Variants in KMT2C observed in about 807,000 individuals in gnomAD.
The protein encoded by KMT2C is lysine methyltransferase 2C, also known as histone-lysine N-methyltransferase 2C.
A neutral mutation model predicts 507.9 loss-of-function variants in KMT2C; 88 were observed. The ratio of observed to expected loss-of-function variants is 0.17; its 90% CI spans 0.15 to 0.21. The LOEUF (loss-of-function observed/expected upper bound fraction) is 0.21, where lower values mean the gene tolerates loss of function less well. KMT2C is among the 10% of genes least tolerant of loss of function. The pLI is 1.00. For synonymous variants in KMT2C, 2,049 were observed against 2,080.8 expected (o/e 0.98, Z 0.42); for missense variants, 4,954 against 5,957.8 (o/e 0.83, Z 5.55).
chr7:152,245,182 T>C (rs1273311098), intron 14 of KMT2C, among the ~76,000 whole-genome samples: 1 of 152,234 alleles, frequency 6.6e-6, no homozygotes, highest in African/African-American at 2.4e-5. Flanking sequence ...AAAGAATATT[T>C]CTACTTCAGT....
rs1273657096 is a variant in KMT2C, at chr7:152,144,752, T to C, written c.14304A>G (p.Glu4768=). ...GTGCCAGATACACATTGGATTTCCA[T>C]TCAGTTTTCATCTTCCGGTACTGCG... ...KSSQYRKMKT[E]WKSNVYLARS... The change falls in exon 55 of 59, where the codon GAA becomes GAG. Residue 4768 remains glutamate, a synonymous_variant. Coordinates refer to ENST00000262189, the MANE Select transcript of KMT2C (RefSeq NM_170606.3). This position sits in a 1 kb window ranked among gnomAD's most constrained non-coding sequence, Gnocchi z 4.4. 1.2e-6 allele frequency: 2 copies of C among 1,614,190 alleles called. No homozygotes were observed. The highest frequency in any genetic ancestry group is 1.7e-5 in the Admixed American group (1 of 60,020).
chr7:152,315,293 T>C lies in KMT2C; in HGVS notation c.435A>G (p.Leu145=). Residue 145 remains leucine (L), a synonymous_variant, in exon 4 of 59, where the codon TTA becomes TTG. Transcript: ENST00000262189. ...TGAATTGTTTTAAGTCTCCTTGTCCTAAGGAACTTTTTTCCCCACAGTAAC... is the reference window on the plus strand; with the variant it reads ...TGAATTGTTTTAAGTCTCCTTGTCCCAAGGAACTTTTTTCCCCACAGTAAC... ...AFCYCGEKSS[L]GQGDLKQFRI... 1.9e-6 allele frequency: 3 copies of C among 1,613,972 alleles called. No homozygotes were observed. Among genetic ancestry groups the C allele is most frequent in the Non-Finnish European group, 2.5e-6 (3 of 1,179,922 alleles).
At chr7:152,323,552 T>C (rs747464087) in intron 3 of KMT2C, among the ~76,000 whole-genome samples, 2 of 149,542 alleles carry the variant, frequency 1.3e-5, no homozygotes, top group East Asian at 2.0e-4. Flanking sequence ...GGTGGGAGGA[T>C]TGCCTGAGCC....
At chr7:152,323,744 A>AAAAAAGAGGGAGGGAAGGGGAGGTAG (rs2096794587) in intron 3 of KMT2C, among the ~76,000 whole-genome samples, 2 of 145,644 alleles carry the variant, frequency 1.4e-5, no homozygotes, top group Non-Finnish European at 1.5e-5. Flanking sequence ...AGAAGGAAGG[A>AAAAAAGAGGGAGGGAAGGGGAGGTAG]AAAAAGAGGG....
intron 6 of KMT2C, among the ~76,000 whole-genome samples, chr7:152,287,434 G>A (rs895789935): frequency 4.2e-4 from 64 of 152,098 alleles, no homozygotes; most frequent in Non-Finnish European, 6.5e-4. Context: ...GCCTACTAAG[G>A]AACTGGAATC....
chr7:152,274,326 G>T (rs62478866), intron 6 of KMT2C, among the ~76,000 whole-genome samples: 2 of 134,984 alleles, frequency 1.5e-5, no homozygotes, highest in African/African-American at 2.7e-5. Context: ...CTCATCAATT[G>T]TAAGTTAACA....
chr7:152,383,087 T>C (rs1203821242), intron 1 of KMT2C, among the ~76,000 whole-genome samples: 1 of 152,308 alleles, frequency 6.6e-6, no homozygotes, highest in African/African-American at 2.4e-5. Flanking sequence ...CAAATATTTG[T>C]ATACATTTTT....
chr7:152,258,033 C>T (rs1022134120), intron 9 of KMT2C, among the ~76,000 whole-genome samples: 2 of 152,164 alleles, frequency 1.3e-5, no homozygotes, highest in East Asian at 1.9e-4. Flanking sequence ...CTGACACCAC[C>T]TGCTGAAAGG....
intron 18 of KMT2C, among the ~76,000 whole-genome samples, chr7:152,229,704 T>A (rs1478081299): frequency 6.6e-6 from 1 of 152,212 alleles, no homozygotes; most frequent in Non-Finnish European, 1.5e-5. Context: ...TTTTTATGTT[T>A]TACTTTTTCA....
intron 1 of KMT2C, among the ~76,000 whole-genome samples, chr7:152,371,834 G>A (rs755474685): frequency 1.3e-5 from 2 of 152,022 alleles, no homozygotes; most frequent in East Asian, 1.9e-4. Context: ...TGCTGGTCTC[G>A]AATTCCTGAC....
chr7:152,359,341 G>A (rs931776518), intron 1 of KMT2C, among the ~76,000 whole-genome samples: 4 of 147,974 alleles, frequency 2.7e-5, no homozygotes, highest in Admixed American at 6.7e-5. Flanking sequence ...TACTAAATAC[G>A]GTATAGAAAT....
At chr7:152,332,335 G>T (rs981674842) in intron 2 of KMT2C, among the ~76,000 whole-genome samples, 1 of 152,182 alleles carries the variant, frequency 6.6e-6, no homozygotes, top group Non-Finnish European at 1.5e-5. Context: ...TCATGATGCA[G>T]TTCCATGCTC....
intron 31 of KMT2C, among the ~76,000 whole-genome samples, 182 bp from the exon 32 acceptor site, chr7:152,188,029 T>G (rs1446155918): frequency 1.3e-5 from 2 of 152,170 alleles, no homozygotes; most frequent in African/African-American, 4.8e-5. Flanking sequence ...CAACTTTTCT[T>G]GTATGCCAAG....
chr7:152,211,987 G>A (rs2094465207), intron 23 of KMT2C, among the ~76,000 whole-genome samples: 1 of 152,190 alleles, frequency 6.6e-6, no homozygotes, highest in African/African-American at 2.4e-5. Context: ...GGCAGAGCTT[G>A]CAGTGAGCCG....
intron 55 of KMT2C, among the ~76,000 whole-genome samples, chr7:152,141,113 G>C (rs1408099863): frequency 1.3e-5 from 2 of 149,432 alleles, no homozygotes; most frequent in African/African-American, 2.5e-5. Flanking sequence ...GGTGGCGTGT[G>C]CCTGTAATTC....
chr7:152,297,088 AGAG>A, intron 6 of KMT2C, among the ~76,000 whole-genome samples: 1 of 151,378 alleles, frequency 6.6e-6, no homozygotes, highest in Non-Finnish European at 1.5e-5. Context: ...AGAGAGAGAG[AGAG>A]AGAAAGAAAG....
chr7:152,328,355 C>A (rs917430114), intron 3 of KMT2C, among the ~76,000 whole-genome samples: 19 of 152,026 alleles, frequency 1.2e-4, no homozygotes, highest in African/African-American at 4.3e-4. Flanking sequence ...TCAGAGGAGG[C>A]TAGTATTATC....
chr7:152,165,669 T>C (rs1587848842), intron 42 of KMT2C, among the ~76,000 whole-genome samples: 1 of 151,772 alleles, frequency 6.6e-6, no homozygotes, highest in African/African-American at 2.4e-5. Flanking sequence ...ACAGTGGGGG[T>C]ATTTTTTGGG....
chr7:152,330,818 A>G, intron 2 of KMT2C, 79 bp from the exon 3 acceptor site: 1 of 1,289,198 alleles, frequency 7.8e-7, no homozygotes, highest in East Asian at 2.3e-5. Flanking sequence ...TCTATAAAGC[A>G]TAGGTCATAA....
Sources: allele counts gnomAD v4.1 joint callset (sites outside exome capture counted in the v4.1 genomes callset), GRCh38; gene constraint gnomAD v4.1.1; non-coding constraint Gnocchi (gnomAD v3.1); transcripts MANE v1.5; gene names NCBI Gene and HGNC (gene_info 2026-07-23, HGNC 2026-07-21).